The following FAIM variants were observed in gnomAD, a reference collection of about 807,000 sequenced individuals.
FAIM encodes the protein fas apoptotic inhibitory molecule 1.
In FAIM, 14 loss-of-function variants were observed where a neutral mutation model predicts 21.2. The observed-to-expected ratio is 0.66, with a 90% CI of 0.44 to 1.03. FAIM has a LOEUF of 1.03. FAIM is among the 50% of genes least tolerant of loss of function. The pLI is 0.00. For synonymous variants in FAIM, 86 were observed against 80.4 expected (o/e 1.07, Z -0.37); for missense variants, 222 against 247.1 (o/e 0.90, Z 0.68).
At chr3:138,610,330 G>A (rs1238175845) in intron 1 of FAIM, among the ~76,000 whole-genome samples, 1 of 152,108 alleles carries the variant, frequency 6.6e-6, no homozygotes, top group Non-Finnish European at 1.5e-5. Context: ...AAAGATTGAT[G>A]GGTACGTATG....
chr3:138,633,095 A>G lies in FAIM; in HGVS notation c.*16A>G. On this transcript the variant is annotated 3_prime_UTR_variant, in exon 6 of 6. Transcript: ENST00000360570. ...TGCAAGTTAATGAATTTTCATCTTA[A>G]GAAGTAAAGATCAGGACTTTTTAAT... 6.8e-6 allele frequency: 11 copies of G among 1,611,326 alleles called. No homozygotes were observed. Among genetic ancestry groups the G allele is most frequent in the Non-Finnish European group, 8.5e-6 (10 of 1,178,302 alleles).
chr3:138,627,243 G>A (rs754766283), intron 4 of FAIM, among the ~76,000 whole-genome samples: 6 of 150,490 alleles, frequency 4.0e-5, no homozygotes, highest in Non-Finnish European at 8.9e-5. Flanking sequence ...GTGCAGTGGT[G>A]CAATTTTGGC....
At chr3:138,615,713 C>T (rs959338811) in intron 1 of FAIM, among the ~76,000 whole-genome samples, 5 of 152,014 alleles carry the variant, frequency 3.3e-5, no homozygotes, top group African/African-American at 9.7e-5. Flanking sequence ...TATGAATGGC[C>T]AAAAAACAGA....
intron 1 of FAIM, among the ~76,000 whole-genome samples, chr3:138,610,015 C>T (rs901234008): frequency 6.6e-6 from 1 of 152,088 alleles, no homozygotes; most frequent in African/African-American, 2.4e-5. Context: ...ACTGGAGACC[C>T]CCCTCACTTC....
Position 138,619,731 on chromosome 3 carries a change from C to T in FAIM, c.5C>T (p.Ala2Val). 6.2e-7 allele frequency: 1 copy of T among 1,613,428 alleles called. No homozygotes were observed. Among genetic ancestry groups the T allele is most frequent in the Non-Finnish European group, 8.5e-7 (1 of 1,179,774 alleles). Reference sequence around the variant, plus strand: ...TAAAGACTGTTTTTGCCAACCATGGCATCTGGAGATGACAGTCCTATCTTT... The same window carrying T: ...TAAAGACTGTTTTTGCCAACCATGGTATCTGGAGATGACAGTCCTATCTTT... M[A>V]SGDDSPIFED... Residue 2 changes from alanine (A) to valine (V), a missense_variant, in exon 2 of 6, where the codon GCA (alanine) becomes GTA (valine). Transcript: ENST00000360570.
rs185800782 is a variant in FAIM at position 138,621,751 on chromosome 3, C to T, written c.177+212C>T. ...CTTAAAATGCTTTTATTTTCTAAAA[C>T]CTTGGCATCATAAATTAATAAAATT... On this transcript the variant is annotated intron_variant, in intron 3 of 5. Coordinates refer to ENST00000360570, the MANE Select transcript of FAIM (RefSeq NM_001033031.2). Among the ~76,000 whole-genome samples the T allele has an allele frequency of 2.9e-3, 443 of 152,012 alleles. 1 individual carries two copies. Among genetic ancestry groups the T allele is most frequent in the South Asian group, 6.4e-3 (31 of 4,812 alleles).
chr3:138,626,178 A>G (rs751079994), intron 4 of FAIM, among the ~76,000 whole-genome samples: 6 of 152,216 alleles, frequency 3.9e-5, no homozygotes, highest in Non-Finnish European at 8.8e-5. Context: ...TCCAAGATGA[A>G]CATGCAGCAG....
At chr3:138,624,064 C>CATCTT (rs2042915432) in intron 4 of FAIM, among the ~76,000 whole-genome samples, 1 of 152,076 alleles carries the variant, frequency 6.6e-6, no homozygotes, top group African/African-American at 2.4e-5. Flanking sequence ...TTTGGGAGCT[C>CATCTT]ATCTTATCCC....
chr3:138,628,902 A>G (rs1172607917), intron 4 of FAIM, among the ~76,000 whole-genome samples: 2 of 152,200 alleles, frequency 1.3e-5, no homozygotes, highest in African/African-American at 4.8e-5. Flanking sequence ...TTATAGTTTT[A>G]TGAACAAAGA....
chr3:138,630,397 AC>A (rs2042992919), intron 5 of FAIM: 1 of 152,122 alleles, frequency 6.6e-6, no homozygotes, highest in Admixed American at 6.5e-5. Context: ...CGTGAGAGGG[AC>A]CCTTGAGCCT....
chr3:138,611,485 A>G (rs540699187), intron 1 of FAIM, among the ~76,000 whole-genome samples: 1 of 152,170 alleles, frequency 6.6e-6, no homozygotes, highest in Non-Finnish European at 1.5e-5. Flanking sequence ...GTCACTATCT[A>G]TTTGCCAAAC....
At position 138,609,614 on chromosome 3, in the gene FAIM, A is replaced by ACTCTCTCTCTCTCT. The variant is rs1211208979; in HGVS notation, c.-17+691_-17+704dup. On this transcript the variant is annotated intron_variant, in intron 1 of 5. Coordinates refer to ENST00000360570, the MANE Select transcript of FAIM (RefSeq NM_001033031.2). ...CTCGACTCTCTCTCTCTCTCTCTCGACTCTCTCTCTCTCTCTCTCTCTCTC... is the reference window on the plus strand; with the variant it reads ...CTCGACTCTCTCTCTCTCTCTCTCGACTCTCTCTCTCTCTCTCTCTCTCTCTCTCTCTCTCTCTC... Among the ~76,000 whole-genome samples, 21 of 25,424 alleles carry ACTCTCTCTCTCTCT rather than the reference A, an allele frequency of 8.3e-4. 1 individual carries two copies. In the East Asian group the frequency reaches 0.017, roughly 21 times the overall value. 16.7% of individuals were successfully genotyped at this position (25,424 alleles called of 152,430 possible). A position where few individuals can be genotyped will look rare whatever the true frequency, so the allele number is the denominator to read the frequency against.
intron 1 of FAIM, among the ~76,000 whole-genome samples, chr3:138,617,338 A>G (rs2042835003): frequency 2.0e-5 from 3 of 149,288 alleles, no homozygotes; most frequent in African/African-American, 7.3e-5. Context: ...TGCCTTATCA[A>G]AGTTTATATT....
chr3:138,619,079 A>AC (rs1011567143), intron 1 of FAIM, among the ~76,000 whole-genome samples: 7 of 152,238 alleles, frequency 4.6e-5, no homozygotes, highest in African/African-American at 1.7e-4. Flanking sequence ...TGGCACTAGT[A>AC]AATTAAATGG....
chr3:138,619,389 C>G (rs905832647), intron 1 of FAIM, among the ~76,000 whole-genome samples: 1 of 152,194 alleles, frequency 6.6e-6, no homozygotes, highest in Non-Finnish European at 1.5e-5. Context: ...TCTCTTAGGT[C>G]TCTTGCAGCT....
chr3:138,629,544 T>G, intron 5 of FAIM: 1 of 157,272 alleles, frequency 6.4e-6, no homozygotes, highest in Non-Finnish European at 1.4e-5. Context: ...TGCACAGAAA[T>G]TGCCTGGAAT....
chr3:138,609,614 ACTCTCTCTCTCT>A (rs1211208979), intron 1 of FAIM, among the ~76,000 whole-genome samples: 3 of 25,418 alleles, frequency 1.2e-4, no homozygotes, highest in African/African-American at 1.1e-4. Context: ...CTCTCTCTCG[ACTCTCTCTCTCT>A]CTCTCTCTCT....
intron 4 of FAIM, among the ~76,000 whole-genome samples, chr3:138,628,188 C>T (rs981288115): frequency 1.3e-5 from 2 of 152,130 alleles, no homozygotes; most frequent in African/African-American, 2.4e-5. Flanking sequence ...ACCAGCTATA[C>T]CTATTTTTTA....
intron 4 of FAIM, among the ~76,000 whole-genome samples, chr3:138,628,347 C>CT (rs113946928): frequency 0.021 from 3,190 of 152,204 alleles, 105 homozygotes; most frequent in African/African-American, 0.069. Flanking sequence ...TTTCAGTGGT[C>CT]TTTTGTGCCA....
Sources: allele counts gnomAD v4.1 joint callset (sites outside exome capture counted in the v4.1 genomes callset), GRCh38; gene constraint gnomAD v4.1.1; transcripts MANE v1.5; gene names NCBI Gene and HGNC (gene_info 2026-07-23, HGNC 2026-07-21).